Variants in PCDHGA10 observed in about 807,000 individuals in gnomAD.
PCDHGA10 encodes protocadherin gamma subfamily A, 10.
PCDHGA10 carries 42 observed loss-of-function variants against 59.5 expected under a neutral mutation model. The observed-to-expected ratio is 0.71, with a 90% CI of 0.55 to 0.91. The LOEUF (loss-of-function observed/expected upper bound fraction) is 0.91, where lower values mean the gene tolerates loss of function less well. Among genes scored for constraint, PCDHGA10 ranks in the 40% least tolerant of loss-of-function variants. PCDHGA10 has a pLI of 0.00. For missense variants in PCDHGA10, 1,111 were observed against 1,198.2 expected, an observed-to-expected ratio of 0.93 and a Z score of 1.07; for synonymous variants, 511 against 517.2, an observed-to-expected ratio of 0.99 and a Z score of 0.16.
intron 1 of PCDHGA10, among the ~76,000 whole-genome samples, chr5:141,448,422 T>C (rs1561930551): frequency 3.9e-5 from 6 of 152,150 alleles, no homozygotes; most frequent in Admixed American, 3.3e-4. Flanking sequence ...CAATATACTA[T>C]GTATATATTG....
chr5:141,440,667 T>C (rs1330266877), intron 1 of PCDHGA10: 1 of 152,218 alleles, frequency 6.6e-6, no homozygotes, highest in East Asian at 1.9e-4. Context: ...GCAGCAACTC[T>C]ATATTTCTCT....
At chr5:141,443,952 A>T (rs1355073040) in intron 1 of PCDHGA10, among the ~76,000 whole-genome samples, 4 of 152,134 alleles carry the variant, frequency 2.6e-5, no homozygotes, top group Non-Finnish European at 4.4e-5. Context: ...CCTTATTGGT[A>T]TGTATTCTGT....
Position 141,426,411 on chromosome 5 carries a change from C to A in PCDHGA10, c.2436+10800C>A, listed in dbSNP as rs1561821998. 10 of 286,096 alleles carry A rather than the reference C, an allele frequency of 3.5e-5. No homozygotes were observed. In the South Asian group the frequency reaches 3.7e-4, roughly 11 times the overall value. The allele number at this position is 286,096 out of a possible 1,614,324, so 17.7% of individuals were successfully genotyped here. On this transcript the variant is annotated intron_variant, in intron 1 of 3. Coordinates refer to ENST00000398610, the MANE Select transcript of PCDHGA10 (RefSeq NM_018913.3). ...GCTACTCTATTCCAGAAGAAACGGT[C>A]CAGGGCTCCGTGGTGGGGAACCTTG... is the stretch of plus-strand genomic sequence containing the variant.
chr5:141,415,044 G>T lies in PCDHGA10; in HGVS notation c.1869G>T (p.Val623=). The T allele has an allele frequency of 1.2e-6, 2 of 1,613,506 alleles. No homozygotes were observed. The highest frequency in any genetic ancestry group is 2.2e-5 in the East Asian group (1 of 44,864). Residue 623 remains valine, a synonymous_variant, in exon 1 of 4, where the codon GTG becomes GTT. Transcript: ENST00000398610. Reference sequence around the variant, plus strand: ...CCAGCGAGCCGGGACTCTTCGCGGTGGGGGAGCACACGGGCGAGGTGCGCA... The same window carrying T: ...CCAGCGAGCCGGGACTCTTCGCGGTTGGGGAGCACACGGGCGAGGTGCGCA... ...LKASEPGLFA[V]GEHTGEVRTA... is the part of the protein sequence containing the mutation.
chr5:141,419,539 G>A, intron 1 of PCDHGA10: 3 of 1,612,058 alleles, frequency 1.9e-6, no homozygotes, highest in Non-Finnish European at 2.5e-6. Flanking sequence ...ACAACGCACC[G>A]CGGGTGCTGT....
chr5:141,509,300 G>A (rs987250093), intron 3 of PCDHGA10, among the ~76,000 whole-genome samples: 5 of 152,216 alleles, frequency 3.3e-5, no homozygotes, highest in African/African-American at 1.2e-4. Flanking sequence ...GGTGGAGGCA[G>A]AGGGAGGCTG....
At position 141,485,321 on chromosome 5, in the gene PCDHGA10, C is replaced by G. The variant is rs780179631; in HGVS notation, c.2437-9486C>G. The G allele has an allele frequency of 6.2e-7, 1 of 1,614,154 alleles. No homozygotes were observed. Among genetic ancestry groups the G allele is most frequent in the Non-Finnish European group, 8.5e-7 (1 of 1,180,024 alleles). On this transcript the variant is annotated intron_variant, in intron 1 of 3. Transcript: ENST00000398610. This position sits in a 1 kb window ranked among gnomAD's most constrained non-coding sequence, Gnocchi z 5.7. The stretch of plus-strand genomic sequence containing the variant: ...AGGGACTTTTGTAGGGAATGTCGCT[C>G]AAGATTTCCTGCTGGATACGGACAG...
intron 2 of PCDHGA10, among the ~76,000 whole-genome samples, chr5:141,500,779 T>C (rs1222392685): frequency 1.3e-5 from 2 of 152,238 alleles, no homozygotes; most frequent in Non-Finnish European, 2.9e-5. Context: ...TGAATATACA[T>C]ATTATTTTAC....
chr5:141,478,076 C>G (rs1486983629), intron 1 of PCDHGA10: 2 of 1,614,106 alleles, frequency 1.2e-6, no homozygotes, highest in Non-Finnish European at 1.7e-6. Context: ...CAATGGGGAG[C>G]CTTCGCTCTC....
chr5:141,415,761 T>G (rs1047830043), intron 1 of PCDHGA10, 150 bp downstream of exon 1: 49 of 1,399,492 alleles, frequency 3.5e-5, no homozygotes, highest in Admixed American at 1.6e-4. Context: ...TTTTTTTTTT[T>G]TTTTTTTTTT....
chr5:141,477,212 C>CCTCT lies in PCDHGA10; in HGVS notation c.2437-17594_2437-17591dup. 6.2e-7 allele frequency: 1 copy of CCTCT among 1,614,166 alleles called. No homozygotes were observed. The highest frequency in any genetic ancestry group is 8.5e-7 in the Non-Finnish European group (1 of 1,180,042). The stretch of plus-strand genomic sequence containing the variant: ...GTACAGCCCAGTACCCGAGGATGCC[C>CCTCT]CTCTGGGGACTGTCATCGCTTTGCT... On this transcript the variant is annotated intron_variant, in intron 1 of 3. Coordinates refer to ENST00000398610, the MANE Select transcript of PCDHGA10 (RefSeq NM_018913.3). This position sits in a 1 kb window ranked among gnomAD's most constrained non-coding sequence, Gnocchi z 4.9.
At position 141,419,994 on chromosome 5, in the gene PCDHGA10, C is replaced by T. The variant is rs757658202; in HGVS notation, c.2436+4383C>T. 1.9e-6 allele frequency: 3 copies of T among 1,614,072 alleles called. No homozygotes were observed. Among genetic ancestry groups the T allele is most frequent in the East Asian group, 4.5e-5 (2 of 44,884 alleles). ...CTCCTCGCGGTGATTCTAGCTATTG[C>T]TCTACGCCTGCGACAGTCTTTCAGC... On this transcript the variant is annotated intron_variant, in intron 1 of 3. Coordinates refer to ENST00000398610, the MANE Select transcript of PCDHGA10 (RefSeq NM_018913.3).
chr5:141,415,772 T>TC, intron 1 of PCDHGA10, 161 bp downstream of exon 1: 1 of 1,332,986 alleles, frequency 7.5e-7, no homozygotes. Context: ...TTTTTTTTTT[T>TC]ACTTTCTGGT....
rs1245731818 is a variant in PCDHGA10, at chr5:141,476,700, A to C, written c.2437-18107A>C. 1 of 1,614,096 alleles carries C rather than the reference A, an allele frequency of 6.2e-7. No homozygotes were observed. Among genetic ancestry groups the C allele is most frequent in the Non-Finnish European group, 8.5e-7 (1 of 1,180,016 alleles). On this transcript the variant is annotated intron_variant, in intron 1 of 3. Coordinates refer to ENST00000398610, the MANE Select transcript of PCDHGA10 (RefSeq NM_018913.3). This position sits in a 1 kb window ranked among gnomAD's most constrained non-coding sequence, Gnocchi z 7.6. Reference sequence around the variant, plus strand: ...CGGGAGGACAGCACCAAGTACGCGGAGCTGGTGTTGGAGCGCGCCCTGGAC... The same window carrying C: ...CGGGAGGACAGCACCAAGTACGCGGCGCTGGTGTTGGAGCGCGCCCTGGAC...
rs767291767 is a variant in PCDHGA10, at chr5:141,487,668, T to C, written c.2437-7139T>C. ...CTTGAGGGTTATTCTGATCCAGGCA[T>C]ATGGCTAGGCCATGTCCTAGAGAGT... is the stretch of plus-strand genomic sequence containing the variant. On this transcript the variant is annotated intron_variant, in intron 1 of 3. Transcript: ENST00000398610. The surrounding 1 kb of genome is among the most constrained non-coding windows in gnomAD (Gnocchi z 5.0). 1.9e-6 allele frequency: 3 copies of C among 1,612,658 alleles called. No homozygotes were observed. Among genetic ancestry groups the C allele is most frequent in the South Asian group, 1.1e-5 (1 of 90,650 alleles).
At position 141,491,154 on chromosome 5, in the gene PCDHGA10, C is replaced by T. The variant is rs773308291; in HGVS notation, c.2437-3653C>T. ...CAGCCCGGGCCTTACTGGAGGATGACTCTGACACCCAGCAGGTGGTGGTCC... is the reference window on the plus strand; with the variant it reads ...CAGCCCGGGCCTTACTGGAGGATGATTCTGACACCCAGCAGGTGGTGGTCC... On this transcript the variant is annotated intron_variant, in intron 1 of 3. Coordinates refer to ENST00000398610, the MANE Select transcript of PCDHGA10 (RefSeq NM_018913.3). The surrounding 1 kb of genome is among the most constrained non-coding windows in gnomAD (Gnocchi z 6.9). The T allele has an allele frequency of 6.2e-7, 1 of 1,614,162 alleles. No homozygotes were observed. The highest frequency in any genetic ancestry group is 1.7e-5 in the Admixed American group (1 of 60,026).
At chr5:141,475,762 G>A (rs4151701) in intron 1 of PCDHGA10, among the ~76,000 whole-genome samples, 9,255 of 152,346 alleles carry the variant, frequency 0.061, 562 homozygotes, top group African/African-American at 0.16. Context: ...CACCGATACT[G>A]GCAAGGCGCT....
chr5:141,501,299 AC>A (rs1446641380), intron 2 of PCDHGA10, among the ~76,000 whole-genome samples: 1 of 149,208 alleles, frequency 6.7e-6, no homozygotes, highest in African/African-American at 2.5e-5. Flanking sequence ...ATACACACAC[AC>A]ACACACACAC....
At chr5:141,465,852 G>A (rs1250863307) in intron 1 of PCDHGA10, among the ~76,000 whole-genome samples, 1 of 151,996 alleles carries the variant, frequency 6.6e-6, no homozygotes, top group East Asian at 1.9e-4. Context: ...GCTGGGCCCA[G>A]TGGCTCATGC....
Sources: gnomAD v4.1 joint callset for allele counts (sites outside exome capture counted in the v4.1 genomes callset) on GRCh38, gnomAD v4.1.1 for gene constraint, Gnocchi (gnomAD v3.1) non-coding constraint, MANE v1.5 for transcripts, NCBI Gene and HGNC (gene_info 2026-07-23, HGNC 2026-07-21) for gene names.